ARAP2: variants seen among roughly 807,000 people sequenced by gnomAD.
The protein encoded by ARAP2 is arf-GAP with Rho-GAP domain, ANK repeat and PH domain-containing protein 2.
Under a neutral mutation model 194.5 loss-of-function variants are expected in ARAP2, and 148 were observed. The observed-to-expected ratio is 0.76, with a 90% CI of 0.67 to 0.87. The LOEUF is 0.87. ARAP2 is among the 40% of genes least tolerant of loss of function. The pLI is 0.00. For synonymous variants in ARAP2, 695 were observed against 683.5 expected (o/e 1.02, Z -0.26); for missense variants, 2,128 against 1,989.7 (o/e 1.07, Z -1.32).
intron 13 of ARAP2, chr4:36,159,801 TATG>T (rs1428407991): frequency 6.9e-5 from 14 of 203,506 alleles, no homozygotes; most frequent in Non-Finnish European, 1.4e-4. Flanking sequence ...GCTTACATAC[TATG>T]ATAATGACTG....
intron 19 of ARAP2, among the ~76,000 whole-genome samples, chr4:36,140,132 AAAAC>A (rs1260345308): frequency 3.2e-5 from 4 of 126,728 alleles, no homozygotes; most frequent in African/African-American, 1.3e-4. Context: ...AAACAAAACA[AAAAC>A]AATACACACA....
chr4:36,217,860 A>T (rs1277987624), intron 2 of ARAP2, among the ~76,000 whole-genome samples: 3 of 151,458 alleles, frequency 2.0e-5, no homozygotes, highest in Non-Finnish European at 4.4e-5. Context: ...AATACTAGAT[A>T]ATACTAGATA....
At position 36,042,306 on chromosome 4, in the gene ARAP2, G is replaced by A. The variant is rs567038992; in HGVS notation, n.607+3673C>T. ...GTAAAATTAGAAGCACTAAGGGTAG[G>A]TCATTAAGTGCTGATTAGACAATAA... On this transcript the variant is annotated intron_variant and non_coding_transcript_variant, in intron 5 of 12. Transcript: ENST00000503225. 3.9e-5 allele frequency among the ~76,000 whole-genome samples: 6 copies of A among 152,300 alleles called. No individual in the cohort carries two copies. In the South Asian group the frequency reaches 1.2e-3, roughly 32 times the overall value.
intron 3 of ARAP2, 85 bp downstream of exon 3, chr4:36,214,337 G>T: frequency 1.9e-6 from 2 of 1,077,136 alleles, no homozygotes; most frequent in East Asian, 2.7e-5. Flanking sequence ...ACCACAGGTG[G>T]GCTGCCTTCG....
intron 8 of ARAP2, among the ~76,000 whole-genome samples, chr4:36,179,936 T>C (rs1738835923): frequency 1.3e-5 from 2 of 152,210 alleles, no homozygotes; most frequent in Non-Finnish European, 2.9e-5. Context: ...AAAAAACTCA[T>C]TCGATAGTGC....
At chr4:36,007,594 A>C (rs1713565234) in intron 9 of ARAP2, among the ~76,000 whole-genome samples, 1 of 152,198 alleles carries the variant, frequency 6.6e-6, no homozygotes, top group Non-Finnish European at 1.5e-5. Flanking sequence ...TGAGAGAATC[A>C]GTTTCAGCAC....
intron 22 of ARAP2, 72 bp downstream of exon 22, chr4:36,124,790 A>G: frequency 1.1e-6 from 1 of 944,556 alleles, no homozygotes. Flanking sequence ...AAAGATTCAC[A>G]ATCACATAAG....
At chr4:36,182,285 T>C (rs1739468191) in intron 8 of ARAP2, among the ~76,000 whole-genome samples, 1 of 151,932 alleles carries the variant, frequency 6.6e-6, no homozygotes, top group African/African-American at 2.4e-5. Context: ...GAGGTCAGGA[T>C]ATTGAGACCA....
intron 2 of ARAP2, among the ~76,000 whole-genome samples, chr4:36,054,905 A>G (rs965442371): frequency 1.3e-5 from 2 of 152,200 alleles, no homozygotes; most frequent in Non-Finnish European, 2.9e-5. Context: ...GACATTTTAT[A>G]ATGATTGGTG....
intron 8 of ARAP2, among the ~76,000 whole-genome samples, chr4:36,185,027 C>G (rs964275191): frequency 1.3e-5 from 2 of 152,174 alleles, no homozygotes; most frequent in African/African-American, 4.8e-5. Flanking sequence ...GGTTTGCACA[C>G]TTTGTCTTTG....
chr4:36,100,938 G>C (rs1195465027), intron 27 of ARAP2, among the ~76,000 whole-genome samples: 2 of 151,892 alleles, frequency 1.3e-5, no homozygotes, highest in East Asian at 3.9e-4. Flanking sequence ...TTATACGGTT[G>C]GCCCTCTGTA....
chr4:36,032,560 A>G (rs1719164638), intron 5 of ARAP2, among the ~76,000 whole-genome samples: 1 of 152,250 alleles, frequency 6.6e-6, no homozygotes, highest in Admixed American at 6.5e-5. Flanking sequence ...GAAGAGATTA[A>G]ATAGTATAAT....
chr4:36,048,867 C>T (rs533132153), intron 3 of ARAP2, among the ~76,000 whole-genome samples: 11 of 152,210 alleles, frequency 7.2e-5, no homozygotes, highest in African/African-American at 2.6e-4. Context: ...TCTGCAGCCT[C>T]ATCAACATCT....
chr4:36,195,071 T>C (rs1742786553), intron 6 of ARAP2, among the ~76,000 whole-genome samples: 1 of 151,852 alleles, frequency 6.6e-6, no homozygotes, highest in Non-Finnish European at 1.5e-5. Context: ...AAGGCTCAGG[T>C]TGAAAGGATC....
chr4:36,200,960 C>G (rs1206224063), intron 6 of ARAP2, among the ~76,000 whole-genome samples: 1 of 152,158 alleles, frequency 6.6e-6, no homozygotes, highest in Non-Finnish European at 1.5e-5. Context: ...GCCTTCTTAG[C>G]CTATGTTCCG....
chr4:36,158,977 C>A, intron 14 of ARAP2, 113 bp from the exon 15 acceptor site: 4 of 1,037,938 alleles, frequency 3.9e-6, no homozygotes, highest in South Asian at 2.4e-5. Context: ...TCAAATTTAC[C>A]AAAGAATAAT....
intron 27 of ARAP2, 74 bp downstream of exon 27, chr4:36,107,491 C>T (rs1718715932): frequency 7.0e-7 from 1 of 1,436,862 alleles, no homozygotes; most frequent in African/African-American, 1.4e-5. Context: ...TCAAATATTA[C>T]TTGTGCCATA....
intron 19 of ARAP2, among the ~76,000 whole-genome samples, chr4:36,143,008 C>T (rs1728711528): frequency 6.6e-6 from 1 of 151,778 alleles, no homozygotes; most frequent in Non-Finnish European, 1.5e-5. Flanking sequence ...CCCAAACCTG[C>T]TCCTTTTTCC....
chr4:36,202,916 G>C (rs527312748), intron 6 of ARAP2, among the ~76,000 whole-genome samples: 3 of 152,274 alleles, frequency 2.0e-5, no homozygotes, highest in African/African-American at 7.2e-5. Context: ...TCCAGCATTC[G>C]ATTAAATTAA....
Sources: gnomAD v4.1 joint callset for allele counts (sites outside exome capture counted in the v4.1 genomes callset) on GRCh38, gnomAD v4.1.1 for gene constraint, MANE v1.5 for transcripts, NCBI Gene and HGNC (gene_info 2026-07-23, HGNC 2026-07-21) for gene names.